The following ATXN1 variants were observed in gnomAD, a reference collection of about 807,000 sequenced individuals.
ATXN1 encodes ataxin 1.
In ATXN1, 8 loss-of-function variants were observed where a neutral mutation model predicts 56.4. The ratio of observed to expected loss-of-function variants is 0.14; its 90% CI spans 0.08 to 0.26. The LOEUF (loss-of-function observed/expected upper bound fraction) is 0.26, where lower values mean the gene tolerates loss of function less well. Ranked by LOEUF, ATXN1 falls within the 10% of genes least tolerant of loss-of-function variation. The pLI, the probability that ATXN1 is intolerant of heterozygous loss-of-function variation, is 1.00. For missense variants in ATXN1, 987 were observed against 1,106.5 expected (o/e 0.89, Z 1.53); for synonymous variants, 514 against 494.6 (o/e 1.04, Z -0.52).
intron 4 of ATXN1, among the ~76,000 whole-genome samples, chr6:16,582,772 C>T (rs1267918666): frequency 2.0e-5 from 3 of 152,232 alleles, no homozygotes; most frequent in Non-Finnish European, 2.9e-5. Flanking sequence ...TGCATTTCTG[C>T]ACACCAGCCA....
chr6:16,733,272 A>G (rs1760032036), intron 2 of ATXN1, among the ~76,000 whole-genome samples: 1 of 152,240 alleles, frequency 6.6e-6, no homozygotes, highest in Admixed American at 6.5e-5. Context: ...ATTAAGAACC[A>G]CAAGTCAGCC....
At chr6:16,478,796 C>T (rs1760378630) in intron 6 of ATXN1, among the ~76,000 whole-genome samples, 1 of 152,074 alleles carries the variant, frequency 6.6e-6, no homozygotes, top group South Asian at 2.1e-4. Flanking sequence ...GAAGAGCAAC[C>T]TAATGGAAAC....
At chr6:16,617,154 C>A (rs1763230010) in intron 3 of ATXN1, among the ~76,000 whole-genome samples, 4 of 152,016 alleles carry the variant, frequency 2.6e-5, no homozygotes, top group East Asian at 1.9e-4. Context: ...AGATTAAGTG[C>A]ACAATTATAA....
chr6:16,747,871 T>C (rs377177427), intron 2 of ATXN1, among the ~76,000 whole-genome samples: 2 of 152,192 alleles, frequency 1.3e-5, no homozygotes, highest in Admixed American at 1.3e-4. Flanking sequence ...AGCTTCCTTA[T>C]GGCCACCCTG....
In ATXN1 at chr6:16,760,888, C is replaced by T. The variant is rs968501671; in HGVS notation, c.-730+410G>A. ...TCCGCACTTGCGACCGGACCAGCAG[C>T]CGGGGGAGCGGGGCGCCGCCGCCGC... On this transcript the variant is annotated intron_variant, in intron 1 of 7. Coordinates refer to ENST00000436367, the MANE Select transcript of ATXN1 (RefSeq NM_001128164.2). This position sits in a 1 kb window ranked among gnomAD's most constrained non-coding sequence, Gnocchi z 5.3. 6.7e-6 allele frequency among the ~76,000 whole-genome samples: 1 copy of T among 148,482 alleles called. No individual in the cohort carries two copies. The highest frequency in any genetic ancestry group is 2.5e-5 in the African/African-American group (1 of 40,782).
chr6:16,313,498 A>C (rs2113384798), intron 7 of ATXN1, among the ~76,000 whole-genome samples: 1 of 152,306 alleles, frequency 6.6e-6, no homozygotes, highest in South Asian at 2.1e-4. Flanking sequence ...TTCACGAGAG[A>C]AAAGTGATGG....
chr6:16,669,620 G>C (rs1758497206), intron 2 of ATXN1, among the ~76,000 whole-genome samples: 1 of 151,184 alleles, frequency 6.6e-6, no homozygotes. Context: ...TCCCTATTTG[G>C]TGAATAGCAA....
At chr6:16,606,034 T>C (rs1762998407) in intron 3 of ATXN1, among the ~76,000 whole-genome samples, 1 of 151,642 alleles carries the variant, frequency 6.6e-6, no homozygotes, top group South Asian at 2.1e-4. Context: ...GAGGATGAGG[T>C]GGGGGGATCG....
intron 2 of ATXN1, among the ~76,000 whole-genome samples, chr6:16,700,689 AG>A (rs1255480501): frequency 6.6e-6 from 1 of 152,126 alleles, no homozygotes; most frequent in Non-Finnish European, 1.5e-5. Context: ...AAACGTGGGC[AG>A]GAGGAGGTGA....
chr6:16,716,170 T>A (rs1759636921), intron 2 of ATXN1, among the ~76,000 whole-genome samples: 1 of 152,188 alleles, frequency 6.6e-6, no homozygotes, highest in Non-Finnish European at 1.5e-5. Context: ...ATCTGACCAC[T>A]CTTCTCATCC....
At chr6:16,460,362 T>C (rs1202362154) in intron 6 of ATXN1, among the ~76,000 whole-genome samples, 1 of 152,088 alleles carries the variant, frequency 6.6e-6, no homozygotes, top group Non-Finnish European at 1.5e-5. Context: ...AGTAAGGAAA[T>C]TGATGTAGTA....
chr6:16,448,720 A>G (rs1447090529), intron 6 of ATXN1, among the ~76,000 whole-genome samples: 2 of 152,226 alleles, frequency 1.3e-5, no homozygotes, highest in Non-Finnish European at 2.9e-5. Context: ...CAATGCTCAC[A>G]TACAGTGGAA....
intron 5 of ATXN1, among the ~76,000 whole-genome samples, chr6:16,505,856 T>C (rs1213649856): frequency 6.6e-6 from 1 of 152,220 alleles, no homozygotes; most frequent in Non-Finnish European, 1.5e-5. Flanking sequence ...GTTGCTTCAC[T>C]TGCCAGAGTA....
Position 16,378,013 on chromosome 6 carries a change from G to A in ATXN1, c.-160-49543C>T, listed in dbSNP as rs557252909. Among the ~76,000 whole-genome samples, 3 of 152,320 alleles carry A rather than the reference G, an allele frequency of 2.0e-5. No individual in the cohort carries two copies. In the East Asian group the frequency reaches 5.8e-4, roughly 29 times the overall value. The stretch of plus-strand genomic sequence containing the variant: ...CGCCTTCTGCCTACTTCATGGCAAG[G>A]AGGGCCATCTCGGGCACCACCAGCC... On this transcript the variant is annotated intron_variant, in intron 6 of 7. Coordinates refer to ENST00000436367, the MANE Select transcript of ATXN1 (RefSeq NM_001128164.2).
intron 4 of ATXN1, among the ~76,000 whole-genome samples, chr6:16,547,049 G>A (rs1761827892): frequency 6.6e-6 from 1 of 152,198 alleles, no homozygotes; most frequent in African/African-American, 2.4e-5. Context: ...AGGAAAGTGG[G>A]AAAAGGGAAA....
In ATXN1 at chr6:16,642,468, G is replaced by T. The variant is rs1259466844; in HGVS notation, c.-489+15308C>A. On this transcript the variant is annotated intron_variant, in intron 3 of 7. Coordinates refer to ENST00000436367, the MANE Select transcript of ATXN1 (RefSeq NM_001128164.2). ...AATCTACTCCTGATGAAGATACTGTGAACACTGTTAAAATGACAACAAAGG... is the reference window on the plus strand; with the variant it reads ...AATCTACTCCTGATGAAGATACTGTTAACACTGTTAAAATGACAACAAAGG... Among the ~76,000 whole-genome samples the T allele has an allele frequency of 2.0e-5, 3 of 152,208 alleles. No homozygotes were observed. The East Asian group carries it at 5.8e-4, about 29-fold the overall frequency.
intron 3 of ATXN1, among the ~76,000 whole-genome samples, chr6:16,603,021 C>G (rs1164592420): frequency 6.6e-6 from 1 of 152,078 alleles, no homozygotes; most frequent in Non-Finnish European, 1.5e-5. Context: ...TTAAAGAGCC[C>G]TCTCAGAAGG....
intron 2 of ATXN1, among the ~76,000 whole-genome samples, chr6:16,730,669 G>T (rs2113484590): frequency 1.3e-5 from 2 of 152,124 alleles, no homozygotes; most frequent in Middle Eastern, 3.4e-3. Flanking sequence ...CCTGAAGATT[G>T]TATTCTTGCC....
At chr6:16,517,913 G>A (rs1445969370) in intron 5 of ATXN1, among the ~76,000 whole-genome samples, 3 of 152,234 alleles carry the variant, frequency 2.0e-5, no homozygotes, top group Admixed American at 2.0e-4. Context: ...TAATTAAAGA[G>A]TGTGAGCAGA....
Sources: allele counts gnomAD v4.1 joint callset (sites outside exome capture counted in the v4.1 genomes callset), GRCh38; gene constraint gnomAD v4.1.1; non-coding constraint Gnocchi (gnomAD v3.1); transcripts MANE v1.5; gene names NCBI Gene and HGNC (gene_info 2026-07-23, HGNC 2026-07-21).